MKNK1: variants seen among roughly 807,000 people sequenced by gnomAD.
The protein encoded by MKNK1 is MAP kinase-interacting serine/threonine-protein kinase 1.
A neutral mutation model predicts 49.3 loss-of-function variants in MKNK1; 30 were observed. That is an observed-to-expected ratio of 0.61 (90% CI 0.46 to 0.83). The LOEUF (loss-of-function observed/expected upper bound fraction) is 0.83. Among genes scored for constraint, MKNK1 ranks in the 40% least tolerant of loss-of-function variants. The probability of loss-of-function intolerance (pLI) is 0.00; values close to 1 mark genes in which losing one functional copy is unlikely to be tolerated. For synonymous variants in MKNK1, 176 were observed against 201.7 expected, an observed-to-expected ratio of 0.87 and a Z score of 1.08; for missense variants, 423 against 524.7, an observed-to-expected ratio of 0.81 and a Z score of 1.89.
At chr1:46,602,042 TGAG>T (rs918910531) in intron 1 of MKNK1, among the ~76,000 whole-genome samples, 2 of 151,970 alleles carry the variant, frequency 1.3e-5, no homozygotes, top group South Asian at 2.1e-4. Flanking sequence ...CCTTGAAAGA[TGAG>T]GAGGAGGAGG....
intron 7 of MKNK1, 134 bp from the exon 8 acceptor site, chr1:46,568,632 G>A: frequency 1.2e-6 from 1 of 831,638 alleles, no homozygotes; most frequent in Non-Finnish European, 1.9e-6. Context: ...AAATCAACGA[G>A]CTGCAGGAGG....
At chr1:46,560,835 T>C (rs1301893900) in intron 11 of MKNK1, among the ~76,000 whole-genome samples, 4 of 152,132 alleles carry the variant, frequency 2.6e-5, no homozygotes, top group Non-Finnish European at 4.4e-5. Context: ...AGGATGGCAA[T>C]GCTTGCCTCC....
chr1:46,561,095 G>C (rs139910625), intron 11 of MKNK1, among the ~76,000 whole-genome samples: 1 of 152,276 alleles, frequency 6.6e-6, no homozygotes, highest in Non-Finnish European at 1.5e-5. Flanking sequence ...GCCCCAACTC[G>C]GCCACACAAC....
rs1217205121 is a variant in MKNK1 at position 46,564,044 on chromosome 1, C to CAAAAAAAAAAAAAAAAAAAAAAAA, written c.609+996_609+997insTTTTTTTTTTTTTTTTTTTTTTTT. ...TGGGCAACAGAGCAAGACTCTGTCT[C>CAAAAAAAAAAAAAAAAAAAAAAAA]AAAAAAAAAAAAAAAAAAAAAGGGT... On this transcript the variant is annotated intron_variant, in intron 9 of 12. Coordinates refer to ENST00000371945, the MANE Select transcript of MKNK1 (RefSeq NM_001135553.4). Among the ~76,000 whole-genome samples the CAAAAAAAAAAAAAAAAAAAAAAAA allele has an allele frequency of 1.4e-3, 55 of 39,082 alleles. 4 individuals carry two copies. The highest frequency in any genetic ancestry group is 1.9e-3 in the East Asian group (2 of 1,058). The allele number at this position is 39,082 out of a possible 152,430, so 25.6% of individuals were successfully genotyped here.
intron 3 of MKNK1, among the ~76,000 whole-genome samples, chr1:46,581,508 C>CAAAAAAAAA (rs36099600): frequency 2.4e-5 from 1 of 41,634 alleles, no homozygotes; most frequent in Admixed American, 3.8e-4. Context: ...GACCCCATAT[C>CAAAAAAAAA]AAAAAAAAAA....
At chr1:46,600,036 T>G (rs1674539251) in intron 1 of MKNK1, among the ~76,000 whole-genome samples, 2 of 152,056 alleles carry the variant, frequency 1.3e-5, no homozygotes, top group South Asian at 4.1e-4. Flanking sequence ...TTTCTGCCTC[T>G]CAACTGTTGC....
At chr1:46,585,863 A>G in intron 2 of MKNK1, 1 of 1,299,540 alleles carries the variant, frequency 7.7e-7, no homozygotes, top group Admixed American at 1.9e-5. Context: ...ACACACACAA[A>G]GACAGAGTAC....
At chr1:46,574,861 G>A (rs761382598) in intron 6 of MKNK1, 86 bp downstream of exon 6, 34 of 905,490 alleles carry the variant, frequency 3.8e-5, no homozygotes, top group Non-Finnish European at 5.3e-5. Context: ...AGCTTGACTC[G>A]TTTTGGAAGT....
At chr1:46,564,120 T>G (rs1668572793) in intron 9 of MKNK1, among the ~76,000 whole-genome samples, 1 of 150,206 alleles carries the variant, frequency 6.7e-6, no homozygotes, top group South Asian at 2.1e-4. Flanking sequence ...GAATCATAAT[T>G]ATACTCTATT....
intron 1 of MKNK1, among the ~76,000 whole-genome samples, chr1:46,599,855 C>G (rs1007075794): frequency 6.6e-6 from 1 of 152,162 alleles, no homozygotes; most frequent in Non-Finnish European, 1.5e-5. Flanking sequence ...GTAAAGCAAC[C>G]AGCATACTGC....
chr1:46,558,586 T>C lies in MKNK1; in HGVS notation c.1228A>G (p.Thr410Ala). 1.2e-6 allele frequency: 2 copies of C among 1,609,506 alleles called. No homozygotes were observed. Among genetic ancestry groups the C allele is most frequent in the Middle Eastern group, 1.7e-4 (1 of 6,018 alleles). The stretch of plus-strand genomic sequence containing the variant: ...GTGACTGGAGCATTTCAGAGTGCTG[T>C]GGGCGGGCTCCTGTCTTCACCACGG... ...AGRGEDRSPP[T>A]AL Residue 410 changes from threonine to alanine, a missense_variant, in exon 13 of 13, where the codon ACA becomes GCA. By Grantham distance (58) the Thr-to-Ala change is moderately conservative (BLOSUM62 0). Coordinates refer to ENST00000371945, the MANE Select transcript of MKNK1 (RefSeq NM_001135553.4).
intron 2 of MKNK1, among the ~76,000 whole-genome samples, chr1:46,584,172 G>C (rs140214668): frequency 6.6e-6 from 1 of 152,352 alleles, no homozygotes; most frequent in African/African-American, 2.4e-5. Flanking sequence ...ACTGAGATAG[G>C]AAAGAGAAAA....
intron 4 of MKNK1, among the ~76,000 whole-genome samples, chr1:46,577,651 G>A (rs537232144): frequency 4.5e-4 from 69 of 152,228 alleles, no homozygotes; most frequent in Admixed American, 2.2e-3. Flanking sequence ...TAACTTCTTC[G>A]AGGACCTGGA....
intron 4 of MKNK1, among the ~76,000 whole-genome samples, chr1:46,577,847 G>A (rs1671204666): frequency 6.6e-6 from 1 of 152,240 alleles, no homozygotes; most frequent in African/African-American, 2.4e-5. Context: ...CACCGAGCCT[G>A]TGAGCAAATC....
intron 10 of MKNK1, 87 bp from the exon 11 acceptor site, chr1:46,561,729 G>C: frequency 6.8e-7 from 1 of 1,465,618 alleles, no homozygotes; most frequent in Non-Finnish European, 9.3e-7. Flanking sequence ...GGCTTCAATT[G>C]ATCTCAGCTG....
At chr1:46,568,677 T>G in intron 7 of MKNK1, 179 bp from the exon 8 acceptor site, 1 of 621,000 alleles carries the variant, frequency 1.6e-6, no homozygotes, top group Non-Finnish European at 2.8e-6. Context: ...AAAAGCACAG[T>G]TGATTCTGCG....
At chr1:46,564,584 C>T (rs1668731080) in intron 9 of MKNK1, among the ~76,000 whole-genome samples, 1 of 144,052 alleles carries the variant, frequency 6.9e-6, no homozygotes, top group Non-Finnish European at 1.5e-5. Context: ...TCAAGCGATT[C>T]TCCTGCCTCA....
chr1:46,576,510 A>AATAGCCTCCTCTTC (rs1203020624), intron 5 of MKNK1, 65 bp downstream of exon 5: 9 of 1,364,036 alleles, frequency 6.6e-6, no homozygotes, highest in Non-Finnish European at 9.4e-6. Flanking sequence ...GATGGTAAGA[A>AATAGCCTCCTCTTC]ATAGCCTCCT....
chr1:46,601,972 CCAG>C (rs1674787736), intron 1 of MKNK1, among the ~76,000 whole-genome samples: 1 of 152,130 alleles, frequency 6.6e-6, no homozygotes, highest in African/African-American at 2.4e-5. Flanking sequence ...AACAACTAAT[CCAG>C]CAGAAGGCTC....
Sources: allele counts gnomAD v4.1 joint callset (sites outside exome capture counted in the v4.1 genomes callset), GRCh38; gene constraint gnomAD v4.1.1; transcripts MANE v1.5; gene names NCBI Gene and HGNC (gene_info 2026-07-23, HGNC 2026-07-21).